Variants in TMEM243 observed in about 807,000 individuals in gnomAD.
The protein encoded by TMEM243 is MDR1 and mitochondrial taxol resistance associated.
Under a neutral mutation model 15.0 loss-of-function variants are expected in TMEM243, and 20 were observed. The observed-to-expected ratio is 1.33, with a 90% CI of 0.94 to 1.93. TMEM243 has a LOEUF of 1.93. TMEM243 is among the 30% of genes most tolerant of loss of function. The pLI is 0.00. For missense variants in TMEM243, 156 were observed against 142.1 expected, an observed-to-expected ratio of 1.10 and a Z score of -0.50; for synonymous variants, 72 against 52.7, an observed-to-expected ratio of 1.37 and a Z score of -1.59.
At chr7:87,196,886 T>C (rs1245929789) in intron 3 of TMEM243, 128 bp from the exon 4 acceptor site, 11 of 647,790 alleles carry the variant, frequency 1.7e-5, no homozygotes, top group Non-Finnish European at 2.5e-5. Flanking sequence ...CTGAGGTCTC[T>C]ACATTCCTGA....
chr7:87,197,712 TTTTTA>T (rs367914131), intron 3 of TMEM243: 33,440 of 846,254 alleles, frequency 0.04, 3,766 homozygotes, highest in African/African-American at 0.068. Context: ...TTTTTTTTTT[TTTTTA>T]AGCTATCAAG....
At chr7:87,206,038 C>T (rs1562881819) in intron 1 of TMEM243, among the ~76,000 whole-genome samples, 1 of 152,094 alleles carries the variant, frequency 6.6e-6, no homozygotes, top group East Asian at 1.9e-4. Context: ...CAAAAGATAA[C>T]GTCTTACATG....
chr7:87,219,801 C>T, upstream of TMEM243: 1 of 432,438 alleles, frequency 2.3e-6, no homozygotes, highest in Non-Finnish European at 4.2e-6. Flanking sequence ...CCCACTTCCT[C>T]AAATCTCAGC....
At chr7:87,208,193 T>G (rs907874870) in intron 1 of TMEM243, among the ~76,000 whole-genome samples, 1 of 152,222 alleles carries the variant, frequency 6.6e-6, no homozygotes, top group African/African-American at 2.4e-5. Context: ...ATTTCAGCAT[T>G]AACTCAAAAG....
chr7:87,202,990 T>G (rs1416759682), intron 1 of TMEM243: 2 of 152,252 alleles, frequency 1.3e-5, no homozygotes, highest in East Asian at 3.9e-4. Context: ...CAGCATCTGC[T>G]AGAGAAACTA....
At chr7:87,215,272 A>C (rs375509133) in intron 1 of TMEM243, among the ~76,000 whole-genome samples, 1 of 151,892 alleles carries the variant, frequency 6.6e-6, no homozygotes, top group African/African-American at 2.4e-5. Flanking sequence ...ATGCCCAGCT[A>C]ATTTTTTGTG....
In TMEM243 at chr7:87,197,612, G is replaced by A. The variant is rs1445122860; in HGVS notation, c.234+329C>T. 10 of 708,096 alleles carry A rather than the reference G, an allele frequency of 1.4e-5. No homozygotes were observed. The Admixed American group carries it at 3.1e-4, about 22-fold the overall frequency. The allele number at this position is 708,096 out of a possible 1,614,324, so 43.9% of individuals were successfully genotyped here. A position where few individuals can be genotyped will look rare whatever the true frequency, so the allele number is the denominator to read the frequency against. On this transcript the variant is annotated intron_variant, in intron 3 of 3. Transcript: ENST00000257637. ...CAGTAACTGGCATTTCCCAAAGACT[G>A]TTGGCCCTTACGTAGTCCTTGAGTG... is the stretch of plus-strand genomic sequence containing the variant.
Position 87,214,799 on chromosome 7 carries a change from T to G in TMEM243, c.78+4627A>C, listed in dbSNP as rs563410842. ...CTGATTTCAGATATTTTTTCGGGCT[T>G]TGGAATATTTACATATACATAGTGA... On this transcript the variant is annotated intron_variant, in intron 1 of 3. Coordinates refer to ENST00000257637, the MANE Select transcript of TMEM243 (RefSeq NM_024315.4). Among the ~76,000 whole-genome samples, 69 of 152,336 alleles carry G rather than the reference T, an allele frequency of 4.5e-4. No individual in the cohort carries two copies. The South Asian group carries it at 6.6e-3, about 15-fold the overall frequency.
intron 3 of TMEM243, 71 bp from the exon 4 acceptor site, chr7:87,196,829 A>G (rs1801310662): frequency 1.1e-5 from 13 of 1,140,168 alleles, no homozygotes; most frequent in African/African-American, 3.2e-5. Context: ...TTCAAATTTC[A>G]TTAGTATTTG....
At chr7:87,203,855 A>C (rs1341510696) in intron 1 of TMEM243, among the ~76,000 whole-genome samples, 1 of 152,160 alleles carries the variant, frequency 6.6e-6, no homozygotes, top group Non-Finnish European at 1.5e-5. Context: ...ATATTGGTCC[A>C]TAAAAAAATC....
At chr7:87,199,826 G>C (rs2129221847) in intron 1 of TMEM243, among the ~76,000 whole-genome samples, 1 of 152,282 alleles carries the variant, frequency 6.6e-6, no homozygotes. Context: ...TGAAACCAGA[G>C]ATTCCTAAAT....
At chr7:87,198,904 A>G in intron 2 of TMEM243, 103 bp downstream of exon 2, 2 of 1,071,616 alleles carry the variant, frequency 1.9e-6, no homozygotes, top group Non-Finnish European at 2.7e-6. Context: ...TGGTAATAAA[A>G]TTAAAAGCAC....
intron 1 of TMEM243, among the ~76,000 whole-genome samples, chr7:87,215,315 G>C (rs952611509): frequency 6.6e-6 from 1 of 152,042 alleles, no homozygotes; most frequent in African/African-American, 2.4e-5. Flanking sequence ...TGTTGCTCAG[G>C]CTGGTTTCAA....
chr7:87,200,934 G>A (rs1328278976), intron 1 of TMEM243, among the ~76,000 whole-genome samples: 1 of 152,184 alleles, frequency 6.6e-6, no homozygotes, highest in Admixed American at 6.5e-5. Context: ...TACCTTTCAA[G>A]AATGATTTCC....
intron 1 of TMEM243, among the ~76,000 whole-genome samples, chr7:87,205,103 T>C (rs1163237982): frequency 6.6e-6 from 1 of 152,216 alleles, no homozygotes; most frequent in Admixed American, 6.5e-5. Flanking sequence ...CTTTTAGCCA[T>C]GGCTAGAGCT....
At chr7:87,204,998 C>G (rs1405576183) in intron 1 of TMEM243, among the ~76,000 whole-genome samples, 1 of 152,262 alleles carries the variant, frequency 6.6e-6, no homozygotes, top group Non-Finnish European at 1.5e-5. Flanking sequence ...GTTCCCAAAC[C>G]TCAATTCTTG....
At chr7:87,209,654 G>A (rs1309762182) in intron 1 of TMEM243, among the ~76,000 whole-genome samples, 3 of 26,360 alleles carry the variant, frequency 1.1e-4, no homozygotes, top group Non-Finnish European at 1.8e-4. Flanking sequence ...GACAGTGAGA[G>A]ACAGAGCGAG....
chr7:87,198,972 A>G (rs749691623), intron 2 of TMEM243, 35 bp downstream of exon 2: 18 of 1,553,278 alleles, frequency 1.2e-5, no homozygotes, highest in Non-Finnish European at 1.1e-5. Context: ...AAACTGGCTA[A>G]GAGCCTGGGT....
At chr7:87,200,874 G>A (rs17766292) in intron 1 of TMEM243, among the ~76,000 whole-genome samples, 76,039 of 152,046 alleles carry the variant, frequency 0.5, 21,122 homozygotes, top group Non-Finnish European at 0.63. Flanking sequence ...AAGATGTCAA[G>A]TGGCAGATGA....
Sources: gnomAD v4.1 joint callset for allele counts (sites outside exome capture counted in the v4.1 genomes callset) on GRCh38, gnomAD v4.1.1 for gene constraint, MANE v1.5 for transcripts, NCBI Gene and HGNC (gene_info 2026-07-23, HGNC 2026-07-21) for gene names.